The following CSMD1 variants were observed in gnomAD, a reference collection of about 807,000 sequenced individuals.
The protein encoded by CSMD1 is CUB and Sushi multiple domains 1.
Under a neutral mutation model 417.5 loss-of-function variants are expected in CSMD1, and 213 were observed. The observed-to-expected ratio is 0.51, with a 90% CI of 0.46 to 0.57. The LOEUF (loss-of-function observed/expected upper bound fraction) is 0.57, where lower values mean the gene tolerates loss of function less well. Ranked by LOEUF, CSMD1 falls within the 20% of genes least tolerant of loss-of-function variation. The pLI is 0.00. For missense variants in CSMD1, 6,923 were observed against 4,529.7 expected (o/e 1.53, Z -15.17); for synonymous variants, 2,862 against 1,736.8 (o/e 1.65, Z -16.11).
chr8:3,122,651 T>C (rs1193421995), intron 41 of CSMD1, among the ~76,000 whole-genome samples: 1 of 152,160 alleles, frequency 6.6e-6, no homozygotes, highest in Non-Finnish European at 1.5e-5. Flanking sequence ...CGAGAGCTGA[T>C]GCTTTTATCA....
chr8:3,545,953 G>A (rs144729490), intron 10 of CSMD1, among the ~76,000 whole-genome samples: 12 of 152,286 alleles, frequency 7.9e-5, no homozygotes, highest in African/African-American at 2.6e-4. Flanking sequence ...GGAGAAACTG[G>A]AAAGGTTTAG....
intron 5 of CSMD1, among the ~76,000 whole-genome samples, chr8:3,871,154 C>T (rs1471556701): frequency 1.3e-5 from 2 of 152,148 alleles, no homozygotes; most frequent in South Asian, 2.1e-4. Context: ...CCTCACTCAT[C>T]ATACTTTTAT....
rs139623573 is a variant in CSMD1 at position 4,290,443 on chromosome 8, G to A, written c.415+129510C>T. ...AACATGAGATTTGAACTTCCATGCT[G>A]TTCTATGGGCAATTTTAAACAAGGG... On this transcript the variant is annotated intron_variant, in intron 3 of 69. Coordinates refer to ENST00000635120, the MANE Select transcript of CSMD1 (RefSeq NM_033225.6). Among the ~76,000 whole-genome samples, 6 of 152,256 alleles carry A rather than the reference G, an allele frequency of 3.9e-5. No homozygotes were observed. The South Asian group carries it at 6.2e-4, about 16-fold the overall frequency.
At chr8:3,748,533 G>T (rs1261795360) in intron 6 of CSMD1, among the ~76,000 whole-genome samples, 1 of 152,226 alleles carries the variant, frequency 6.6e-6, no homozygotes, top group East Asian at 1.9e-4. Context: ...GCACTTTCCA[G>T]GTTCTAGATA....
chr8:4,840,686 A>C (rs1800791914), intron 1 of CSMD1, among the ~76,000 whole-genome samples: 2 of 152,200 alleles, frequency 1.3e-5, no homozygotes, highest in Non-Finnish European at 2.9e-5. Flanking sequence ...GTTATTACTC[A>C]GTGCCTGCAA....
intron 68 of CSMD1, among the ~76,000 whole-genome samples, chr8:2,948,598 A>C (rs1227559050): frequency 6.6e-6 from 1 of 152,162 alleles, no homozygotes; most frequent in African/African-American, 2.4e-5. Context: ...TTTGTTACAT[A>C]AAAATACTCA....
intron 5 of CSMD1, among the ~76,000 whole-genome samples, chr8:3,976,280 G>C (rs1432348933): frequency 1.3e-5 from 2 of 151,534 alleles, no homozygotes; most frequent in South Asian, 2.1e-4. Flanking sequence ...ATTATTTTTA[G>C]CTGTCAGGTT....
At chr8:4,778,876 G>C (rs1247654818) in intron 1 of CSMD1, among the ~76,000 whole-genome samples, 1 of 152,194 alleles carries the variant, frequency 6.6e-6, no homozygotes, top group Non-Finnish European at 1.5e-5. Flanking sequence ...ATACAATGTA[G>C]TTAGGACAAA....
chr8:4,392,741 G>A (rs898730819), intron 3 of CSMD1, among the ~76,000 whole-genome samples: 69 of 151,496 alleles, frequency 4.6e-4, no homozygotes, highest in Middle Eastern at 3.2e-3. Flanking sequence ...AGGCTGAGGC[G>A]GGCGGATCAC....
intron 2 of CSMD1, among the ~76,000 whole-genome samples, chr8:4,490,696 T>G (rs1257911674): frequency 6.6e-6 from 1 of 152,158 alleles, no homozygotes; most frequent in African/African-American, 2.4e-5. Context: ...TAAGAGACTC[T>G]TAACTTCAGG....
intron 3 of CSMD1, among the ~76,000 whole-genome samples, chr8:4,279,963 C>G (rs1796690742): frequency 2.0e-5 from 3 of 152,172 alleles, no homozygotes; most frequent in Admixed American, 6.5e-5. Flanking sequence ...GGGGCAAGAA[C>G]ATCAAAGGAT....
At chr8:4,611,608 T>C (rs1801176655) in intron 2 of CSMD1, among the ~76,000 whole-genome samples, 1 of 152,220 alleles carries the variant, frequency 6.6e-6, no homozygotes, top group Non-Finnish European at 1.5e-5. Context: ...TGAAACTCTC[T>C]TTCTCTTTAA....
chr8:3,937,847 T>C (rs138704407), intron 5 of CSMD1, among the ~76,000 whole-genome samples: 1,550 of 152,244 alleles, frequency 0.01, 26 homozygotes, highest in African/African-American at 0.035. Flanking sequence ...AAGTTTATAA[T>C]TAAATTCAAA....
intron 1 of CSMD1, among the ~76,000 whole-genome samples, chr8:4,927,546 C>A (rs539323098): frequency 6.2e-4 from 94 of 152,176 alleles, no homozygotes; most frequent in African/African-American, 2.1e-3. Context: ...TGGAAAGGGG[C>A]AACAACTAGC....
At chr8:3,495,359 T>C (rs1365654787) in intron 10 of CSMD1, among the ~76,000 whole-genome samples, 2 of 152,192 alleles carry the variant, frequency 1.3e-5, no homozygotes, top group Admixed American at 6.5e-5. Flanking sequence ...GAAGCGATGA[T>C]AATTCATTAA....
chr8:4,807,953 A>C (rs1468295281), intron 1 of CSMD1, among the ~76,000 whole-genome samples: 1 of 152,222 alleles, frequency 6.6e-6, no homozygotes, highest in East Asian at 1.9e-4. Context: ...GCCCACCCTC[A>C]GTAGGAGTTC....
intron 5 of CSMD1, among the ~76,000 whole-genome samples, chr8:3,837,600 C>A (rs1247871166): frequency 6.6e-6 from 1 of 152,156 alleles, no homozygotes; most frequent in Non-Finnish European, 1.5e-5. Flanking sequence ...GTTTAGAAGT[C>A]TTAATAGAAA....
chr8:4,137,070 C>G (rs1346719976), intron 3 of CSMD1, among the ~76,000 whole-genome samples: 2 of 152,194 alleles, frequency 1.3e-5, no homozygotes, highest in African/African-American at 2.4e-5. Context: ...ACTTCCTTTG[C>G]TACTTCCCTT....
At chr8:4,124,824 C>T (rs921983291) in intron 3 of CSMD1, among the ~76,000 whole-genome samples, 1 of 151,970 alleles carries the variant, frequency 6.6e-6, no homozygotes, top group African/African-American at 2.4e-5. Context: ...ACCAATCAGG[C>T]CCACCAACCC....
Sources: gnomAD v4.1 joint callset for allele counts (sites outside exome capture counted in the v4.1 genomes callset) on GRCh38, gnomAD v4.1.1 for gene constraint, MANE v1.5 for transcripts, NCBI Gene and HGNC (gene_info 2026-07-23, HGNC 2026-07-21) for gene names.